Variants in CCDC148 observed in about 807,000 individuals in gnomAD.
The protein encoded by CCDC148 is coiled-coil domain-containing protein 148.
In CCDC148, 89 loss-of-function variants were observed where a neutral mutation model predicts 85.7. The observed-to-expected ratio is 1.04, with a 90% CI of 0.87 to 1.24. The LOEUF is 1.24. Among genes scored for constraint, CCDC148 ranks in the 50% most tolerant of loss-of-function variants. The pLI, the probability that CCDC148 is intolerant of heterozygous loss-of-function variation, is 0.00. For synonymous variants in CCDC148, 230 were observed against 213.9 expected (o/e 1.08, Z -0.66); for missense variants, 692 against 671.7 (o/e 1.03, Z -0.33).
intron 3 of CCDC148, 40 bp downstream of exon 3, chr2:158,345,174 AG>A: frequency 7.4e-7 from 1 of 1,356,172 alleles, no homozygotes; most frequent in Non-Finnish European, 1.0e-6. Context: ...TGCTATTCCT[AG>A]TAATTCCTAC....
chr2:158,219,033 C>T (rs1687033981), intron 11 of CCDC148, among the ~76,000 whole-genome samples: 1 of 152,128 alleles, frequency 6.6e-6, no homozygotes, highest in African/African-American at 2.4e-5. Flanking sequence ...AGGAAGCTTC[C>T]TAGATACAAG....
rs1029829117 is a variant in CCDC148, at chr2:158,227,254, G to A, written c.1252-6541C>T. Among the ~76,000 whole-genome samples, 20 of 150,630 alleles carry A rather than the reference G, an allele frequency of 1.3e-4. 1 individual carries two copies. The highest frequency in any genetic ancestry group is 3.3e-4 in the Admixed American group (5 of 15,154). On this transcript the variant is annotated intron_variant, in intron 10 of 13. Transcript: ENST00000283233. ...CCTAGGAATCCAACTTACAAGGGAC[G>A]TCAAGGACCTCTTCAAGGAGAACTA...
At chr2:158,220,992 C>A (rs1687152429) in intron 10 of CCDC148, among the ~76,000 whole-genome samples, 1 of 152,168 alleles carries the variant, frequency 6.6e-6, no homozygotes, top group South Asian at 2.1e-4. Context: ...CTAAAATAAT[C>A]AACTTTCCAG....
chr2:158,285,534 CT>C (rs554409769), intron 9 of CCDC148, among the ~76,000 whole-genome samples: 10,560 of 143,734 alleles, frequency 0.073, 667 homozygotes, highest in African/African-American at 0.18. Context: ...AAGGTAACTA[CT>C]TTTTTTTTTT....
chr2:158,323,575 T>C (rs952457853), intron 7 of CCDC148, among the ~76,000 whole-genome samples: 2 of 152,218 alleles, frequency 1.3e-5, no homozygotes, highest in Non-Finnish European at 2.9e-5. Flanking sequence ...TCCTGGCATG[T>C]GTACATTCTT....
intron 11 of CCDC148, among the ~76,000 whole-genome samples, chr2:158,199,081 T>C (rs1013344418): frequency 2.6e-5 from 4 of 152,096 alleles, no homozygotes; most frequent in Admixed American, 1.3e-4. Context: ...CAGAAGAGTG[T>C]CATGGCAGCA....
intron 9 of CCDC148, among the ~76,000 whole-genome samples, chr2:158,284,487 T>C (rs1690519867): frequency 1.3e-5 from 2 of 152,108 alleles, no homozygotes; most frequent in Admixed American, 1.3e-4. Flanking sequence ...GATTCTTTTG[T>C]GAAAAACTGA....
chr2:158,330,384 T>C (rs1023798810), intron 7 of CCDC148, among the ~76,000 whole-genome samples: 14 of 152,224 alleles, frequency 9.2e-5, no homozygotes, highest in Non-Finnish European at 1.5e-5. Flanking sequence ...GATAAGCTTT[T>C]TGATGTACTG....
chr2:158,179,126 C>T, intron 11 of CCDC148, 130 bp from the exon 12 acceptor site: 2 of 477,652 alleles, frequency 4.2e-6, no homozygotes, highest in Non-Finnish European at 3.7e-6. Context: ...TTACTGATTT[C>T]TCAAGTCCAA....
intron 2 of CCDC148, among the ~76,000 whole-genome samples, chr2:158,346,524 C>A (rs1683002526): frequency 6.6e-6 from 1 of 152,142 alleles, no homozygotes; most frequent in Non-Finnish European, 1.5e-5. Flanking sequence ...TCAGTGCTAT[C>A]ACCTGCATAA....
chr2:158,275,911 A>C (rs1327203566), intron 9 of CCDC148, among the ~76,000 whole-genome samples: 2 of 152,178 alleles, frequency 1.3e-5, no homozygotes, highest in African/African-American at 4.8e-5. Flanking sequence ...TTATGGCCTG[A>C]ACATCTATTC....
intron 2 of CCDC148, among the ~76,000 whole-genome samples, chr2:158,347,395 C>T (rs978447821): frequency 2.6e-5 from 4 of 151,798 alleles, no homozygotes; most frequent in Non-Finnish European, 5.9e-5. Flanking sequence ...GCAGAACATA[C>T]TGATTTTTTT....
At chr2:158,278,893 T>G (rs1295254337) in intron 9 of CCDC148, among the ~76,000 whole-genome samples, 2 of 152,234 alleles carry the variant, frequency 1.3e-5, no homozygotes, top group African/African-American at 2.4e-5. Flanking sequence ...AGGGGCAGAC[T>G]GACACCTCAC....
intron 12 of CCDC148, among the ~76,000 whole-genome samples, chr2:158,177,718 ATTTATC>A (rs796100114): frequency 4.3e-4 from 65 of 152,250 alleles, no homozygotes; most frequent in African/African-American, 1.5e-3. Flanking sequence ...TATGCTTTAA[ATTTATC>A]TTTATAATCT....
chr2:158,189,529 TAAAC>T lies in CCDC148; in HGVS notation c.1371-10537_1371-10534del, dbSNP rs559287619. On this transcript the variant is annotated intron_variant, in intron 11 of 13. Coordinates refer to ENST00000283233, the MANE Select transcript of CCDC148 (RefSeq NM_138803.4). ...CAAGTAAGTTTGGGAAATACTAAGATAAACAAAGTAAAATAAATTTATTTATGGC... is the reference window on the plus strand; with the variant it reads ...CAAGTAAGTTTGGGAAATACTAAGATAAAGTAAAATAAATTTATTTATGGC... 1.4e-3 allele frequency among the ~76,000 whole-genome samples: 217 copies of T among 151,966 alleles called. 1 individual carries two copies. Among genetic ancestry groups the T allele is most frequent in the African/African-American group, 4.9e-3 (204 of 41,522 alleles).
chr2:158,334,062 C>G (rs1693294060), intron 7 of CCDC148, among the ~76,000 whole-genome samples: 1 of 152,110 alleles, frequency 6.6e-6, no homozygotes, highest in African/African-American at 2.4e-5. Context: ...GAATTTTTAT[C>G]AGATATTTAC....
rs189507209 is a variant in CCDC148 at position 158,176,773 on chromosome 2, G to A, written c.1489-112C>T. 636 of 1,234,950 alleles carry A rather than the reference G, an allele frequency of 5.2e-4. 6 individuals carry two copies. In the African/African-American group the frequency reaches 8.9e-3, roughly 17 times the overall value. The allele number at this position is 1,234,950 out of a possible 1,614,324, so 76.5% of individuals were successfully genotyped here. ...GTTAAGAAATTTTATTAAAGGTAAA[G>A]CCTGAGAGGAAAGGGCAGAAGAAAT... On this transcript the variant is annotated intron_variant, in intron 12 of 13. Coordinates refer to ENST00000283233, the MANE Select transcript of CCDC148 (RefSeq NM_138803.4).
chr2:158,297,380 A>T (rs1691240223), intron 9 of CCDC148, among the ~76,000 whole-genome samples: 1 of 151,980 alleles, frequency 6.6e-6, no homozygotes, highest in Non-Finnish European at 1.5e-5. Flanking sequence ...CCTTCCCTAT[A>T]CCTTTTCACT....
At chr2:158,187,302 T>G (rs1685200001) in intron 11 of CCDC148, among the ~76,000 whole-genome samples, 1 of 151,012 alleles carries the variant, frequency 6.6e-6, no homozygotes, top group South Asian at 2.1e-4. Context: ...TTCTTCAGTC[T>G]CTCTCTCTCT....
Sources: gnomAD v4.1 joint callset for allele counts (sites outside exome capture counted in the v4.1 genomes callset) on GRCh38, gnomAD v4.1.1 for gene constraint, MANE v1.5 for transcripts, NCBI Gene and HGNC (gene_info 2026-07-23, HGNC 2026-07-21) for gene names.